PRKG1: variants seen among roughly 807,000 people sequenced by gnomAD.
PRKG1 encodes cGMP-dependent protein kinase 1.
PRKG1 carries 35 observed loss-of-function variants against 88.1 expected under a neutral mutation model. The ratio of observed to expected loss-of-function variants is 0.40; its 90% CI spans 0.30 to 0.53. PRKG1 has a LOEUF of 0.53. PRKG1 is among the 20% of genes least tolerant of loss of function. The probability of loss-of-function intolerance (pLI) is 0.59; values close to 1 mark genes in which losing one functional copy is unlikely to be tolerated. For missense variants in PRKG1, 540 were observed against 839.8 expected, an observed-to-expected ratio of 0.64 and a Z score of 4.41; for synonymous variants, 303 against 292.5, an observed-to-expected ratio of 1.04 and a Z score of -0.37.
At chr10:51,307,298 A>G (rs977251574) in intron 2 of PRKG1, among the ~76,000 whole-genome samples, 2 of 152,080 alleles carry the variant, frequency 1.3e-5, no homozygotes, top group African/African-American at 2.4e-5. Flanking sequence ...GCTTTTCAAC[A>G]TAGAAAAGTA....
At chr10:52,099,522 A>G (rs1391572407) in intron 7 of PRKG1, among the ~76,000 whole-genome samples, 3 of 152,124 alleles carry the variant, frequency 2.0e-5, no homozygotes, top group Non-Finnish European at 2.9e-5. Context: ...TCTTTTCTCT[A>G]TGGTTTTTCT....
chr10:52,054,560 C>T lies in PRKG1; in HGVS notation c.839C>T (p.Thr280Met), dbSNP rs376134488. ...GDTFFIISKGTVNVTREDSPS... is the reference protein window; with the variant it reads ...GDTFFIISKGMVNVTREDSPS... ...ACCTTCTTTATCATCAGCAAAGGAA[C>T]GGTAAGCTTTGGTGGCACAAGACAG... is the stretch of plus-strand genomic sequence containing the variant. The change falls in exon 6 of 18, where the codon ACG (threonine) becomes ATG (methionine). Residue 280 changes from threonine to methionine, a missense_variant and splice_region_variant. Thr to Met is a moderately conservative substitution (Grantham distance 81). This residue lies in a region of PRKG1 where 400 missense variants were observed against 562.7 expected (regional missense o/e 0.71). Coordinates refer to ENST00000373980, the MANE Select transcript of PRKG1 (RefSeq NM_006258.4). 5.1e-5 allele frequency: 82 copies of T among 1,613,302 alleles called. No homozygotes were observed. Among genetic ancestry groups the T allele is most frequent in the South Asian group, 1.8e-4 (16 of 91,062 alleles).
chr10:51,141,864 C>T (rs1410830137), intron 1 of PRKG1, among the ~76,000 whole-genome samples: 1 of 152,100 alleles, frequency 6.6e-6, no homozygotes, highest in Admixed American at 6.6e-5. Flanking sequence ...TGTTTGGTAT[C>T]TTATATTCAG....
chr10:52,177,282 C>T (rs747128618), intron 9 of PRKG1, among the ~76,000 whole-genome samples: 8 of 152,056 alleles, frequency 5.3e-5, no homozygotes, highest in Non-Finnish European at 1.0e-4. Context: ...TTTTATCCTT[C>T]ATTCTGTTGA....
chr10:51,907,476 G>A, intron 4 of PRKG1, 31 bp from the exon 5 acceptor site: 1 of 1,553,196 alleles, frequency 6.4e-7, no homozygotes, highest in South Asian at 1.2e-5. Context: ...TGTGGTTCAT[G>A]TGTTCAGCAC....
At chr10:51,882,405 C>A (rs1442648770) in intron 4 of PRKG1, among the ~76,000 whole-genome samples, 2 of 152,156 alleles carry the variant, frequency 1.3e-5, no homozygotes, top group African/African-American at 4.8e-5. Context: ...TTCCTTCTCT[C>A]CTACGCTAGA....
chr10:51,395,774 G>A lies in PRKG1; in HGVS notation c.479-71949G>A, dbSNP rs1167242774. 2.0e-5 allele frequency among the ~76,000 whole-genome samples: 3 copies of A among 152,248 alleles called. No homozygotes were observed. In the East Asian group the frequency reaches 5.8e-4, roughly 29 times the overall value. ...AGAAGGGTTTTGAGATGTGAGTGAAGGTATTGACCATATCCTGCTAAGTAA... is the reference window on the plus strand; with the variant it reads ...AGAAGGGTTTTGAGATGTGAGTGAAAGTATTGACCATATCCTGCTAAGTAA... On this transcript the variant is annotated intron_variant, in intron 2 of 17. Transcript: ENST00000373980.
At chr10:52,216,410 C>T (rs915581766) in intron 9 of PRKG1, among the ~76,000 whole-genome samples, 4 of 152,082 alleles carry the variant, frequency 2.6e-5, no homozygotes, top group Non-Finnish European at 4.4e-5. Flanking sequence ...ATGGATTTTG[C>T]AAGAGACTCA....
At chr10:51,013,005 A>G (rs1232703394) in intron 1 of PRKG1, among the ~76,000 whole-genome samples, 1 of 152,224 alleles carries the variant, frequency 6.6e-6, no homozygotes. Flanking sequence ...GTCCAGAAAA[A>G]AAGTCCTGTA....
intron 3 of PRKG1, among the ~76,000 whole-genome samples, chr10:51,764,763 G>A (rs1031185316): frequency 6.6e-6 from 1 of 152,118 alleles, no homozygotes; most frequent in Non-Finnish European, 1.5e-5. Flanking sequence ...ATTAGGTGTT[G>A]AAACCCTAAC....
At chr10:52,015,424 A>C (rs1303213573) in intron 5 of PRKG1, among the ~76,000 whole-genome samples, 1 of 152,204 alleles carries the variant, frequency 6.6e-6, no homozygotes, top group South Asian at 2.1e-4. Context: ...TGCACAGAGA[A>C]GCAGGGTCTT....
intron 1 of PRKG1, among the ~76,000 whole-genome samples, chr10:51,104,063 T>C (rs945065151): frequency 1.3e-5 from 2 of 152,170 alleles, no homozygotes; most frequent in African/African-American, 4.8e-5. Flanking sequence ...GAAGTCTGTG[T>C]GTTTGTTTGT....
chr10:51,766,370 T>C (rs1204614696), intron 3 of PRKG1, among the ~76,000 whole-genome samples: 1 of 152,138 alleles, frequency 6.6e-6, no homozygotes, highest in Non-Finnish European at 1.5e-5. Context: ...TTCTTCTTAC[T>C]GTGCATGTTT....
intron 3 of PRKG1, among the ~76,000 whole-genome samples, chr10:51,792,460 G>A (rs956202996): frequency 6.6e-6 from 1 of 151,978 alleles, no homozygotes; most frequent in Non-Finnish European, 1.5e-5. Context: ...TCCATTACCA[G>A]CTTTTCATAG....
In PRKG1 at chr10:51,595,444, C is replaced by T. The variant is rs183292869; in HGVS notation, c.592+127608C>T. On this transcript the variant is annotated intron_variant, in intron 3 of 17. Transcript: ENST00000373980. Reference sequence around the variant, plus strand: ...AGGAGTTCAAGACCAGCCTGGCCAACATGGTAAAATCCTGTTTCTATTAAA... The same window carrying T: ...AGGAGTTCAAGACCAGCCTGGCCAATATGGTAAAATCCTGTTTCTATTAAA... Among the ~76,000 whole-genome samples, 547 of 152,214 alleles carry T rather than the reference C, an allele frequency of 3.6e-3. 3 individuals carry two copies. The highest frequency in any genetic ancestry group is 6.2e-3 in the Non-Finnish European group (422 of 68,010).
At chr10:51,873,994 A>C (rs1197950554) in intron 4 of PRKG1, among the ~76,000 whole-genome samples, 2 of 152,232 alleles carry the variant, frequency 1.3e-5, no homozygotes, top group Non-Finnish European at 2.9e-5. Flanking sequence ...GTAAAAGTCT[A>C]CTTTCATTGT....
intron 2 of PRKG1, among the ~76,000 whole-genome samples, chr10:51,250,782 A>G (rs1176260087): frequency 2.0e-5 from 3 of 151,860 alleles, no homozygotes; most frequent in East Asian, 1.9e-4. Flanking sequence ...TACTCACATT[A>G]TTACAGTGAT....
intron 1 of PRKG1, among the ~76,000 whole-genome samples, chr10:51,001,670 C>T (rs933148064): frequency 6.6e-6 from 1 of 152,058 alleles, no homozygotes; most frequent in Admixed American, 6.6e-5. Context: ...TCCCCTATGG[C>T]TTAAGAAAGG....
chr10:51,025,350 T>G (rs1022823883), intron 1 of PRKG1, among the ~76,000 whole-genome samples: 1 of 152,200 alleles, frequency 6.6e-6, no homozygotes, highest in Non-Finnish European at 1.5e-5. Context: ...ACTCAATCAC[T>G]GCTTTATCTG....
Sources: gnomAD v4.1 joint callset for allele counts (sites outside exome capture counted in the v4.1 genomes callset) on GRCh38, gnomAD v4.1.1 for gene constraint, gnomAD v4.1.1 regional missense constraint, MANE v1.5 for transcripts, NCBI Gene and HGNC (gene_info 2026-07-23, HGNC 2026-07-21) for gene names.